The following KDM5A variants were observed in gnomAD, a reference collection of about 807,000 sequenced individuals.
KDM5A encodes the protein lysine-specific demethylase 5A.
A neutral mutation model predicts 193.5 loss-of-function variants in KDM5A; 42 were observed. The ratio of observed to expected loss-of-function variants is 0.22; its 90% CI spans 0.17 to 0.28. The LOEUF is 0.28. KDM5A is among the 10% of genes least tolerant of loss of function. The pLI is 1.00. For synonymous variants in KDM5A, 796 were observed against 718.1 expected (o/e 1.11, Z -1.73); for missense variants, 1,692 against 2,055.1 (o/e 0.82, Z 3.42).
intron 3 of KDM5A, among the ~76,000 whole-genome samples, chr12:369,169 G>A (rs1043928287): frequency 6.6e-6 from 1 of 151,994 alleles, no homozygotes; most frequent in African/African-American, 2.4e-5. Flanking sequence ...AGCCCTCTCT[G>A]TTCAAACAAT....
intron 10 of KDM5A, among the ~76,000 whole-genome samples, chr12:344,878 C>A (rs935190280): frequency 1.3e-5 from 2 of 152,162 alleles, no homozygotes; most frequent in East Asian, 1.9e-4. Context: ...AAATAACCAG[C>A]AAACATCATA....
intron 4 of KDM5A, among the ~76,000 whole-genome samples, chr12:363,767 GAAAT>G (rs1430688406): frequency 3.3e-5 from 5 of 151,766 alleles, no homozygotes; most frequent in African/African-American, 1.2e-4. Flanking sequence ...AAGGAAAAAA[GAAAT>G]AAAAAAATGG....
intron 10 of KDM5A, among the ~76,000 whole-genome samples, chr12:343,060 A>G (rs1157490585): frequency 6.6e-6 from 1 of 152,006 alleles, no homozygotes; most frequent in Non-Finnish European, 1.5e-5. Flanking sequence ...AAAACGAGGC[A>G]CTCCCGCCCA....
rs776622839 is a variant in KDM5A at position 321,073 on chromosome 12, C to G, written c.2463G>C (p.Leu821=). ...CAAAGGCCTTCAATTCTTCCACTGT[C>G]AGTTTGGTCCGAGTCCTCCCACTAT... The part of the protein sequence containing the change: ...SPDSGRTRTK[L]TVEELKAFVQ... The change falls in exon 18 of 28, where the codon CTG becomes CTC. Residue 821 remains leucine, a synonymous_variant. Transcript: ENST00000399788. 1.2e-6 allele frequency: 2 copies of G among 1,614,052 alleles called. No individual in the cohort carries two copies. The highest frequency in any genetic ancestry group is 1.7e-6 in the Non-Finnish European group (2 of 1,179,910).
Position 331,914 on chromosome 12 carries a change from C to T in KDM5A, c.1678G>A (p.Gly560Ser). 6.2e-7 allele frequency: 1 copy of T among 1,613,946 alleles called. No homozygotes were observed. The highest frequency in any genetic ancestry group is 8.5e-7 in the Non-Finnish European group (1 of 1,179,888). Residue 560 changes from glycine (G) to serine (S), a missense_variant, in exon 13 of 28, where the codon GGC becomes AGC. Physicochemically the swap from Gly to Ser is moderately conservative, Grantham distance 56. Transcript: ENST00000399788. Reference sequence around the variant, plus strand: ...CGAGGAAATGTCACAACAAACTCGCCAGCACACTGATTGGTCCTGTACACC... The same window carrying T: ...CGAGGAAATGTCACAACAAACTCGCTAGCACACTGATTGGTCCTGTACACC... ...VPVYRTNQCA[G>S]EFVVTFPRAY...
At chr12:305,785 A>T (rs1302945315) in intron 24 of KDM5A, among the ~76,000 whole-genome samples, 1 of 152,174 alleles carries the variant, frequency 6.6e-6, no homozygotes, top group Non-Finnish European at 1.5e-5. Context: ...CCTTCTCTTC[A>T]CCACCAGTAA....
chr12:383,947 G>T, intron 3 of KDM5A, 84 bp downstream of exon 3: 1 of 1,399,040 alleles, frequency 7.1e-7, no homozygotes. Flanking sequence ...TCCTCTATTG[G>T]AAGCAATGTT....
intron 7 of KDM5A, among the ~76,000 whole-genome samples, chr12:354,566 G>C (rs1321577910): frequency 1.3e-5 from 2 of 152,106 alleles, no homozygotes; most frequent in African/African-American, 4.8e-5. Context: ...AGGAGATTGA[G>C]ACCATCCTGG....
chr12:364,793 A>AC lies in KDM5A; in HGVS notation c.537+1140_537+1141insG, dbSNP rs1340590255. On this transcript the variant is annotated intron_variant, in intron 4 of 27. Transcript: ENST00000399788. ...GAGTCTCATCTCAAAAAAAAAAAAA[A>AC]AAACAAACAAACAAATTTACACATA... Among the ~76,000 whole-genome samples the AC allele has an allele frequency of 1.2e-3, 180 of 151,498 alleles. 1 individual carries two copies. The highest frequency in any genetic ancestry group is 2.8e-3 in the African/African-American group (116 of 41,338).
At chr12:355,942 A>C (rs1415641212) in intron 6 of KDM5A, among the ~76,000 whole-genome samples, 1 of 152,246 alleles carries the variant, frequency 6.6e-6, no homozygotes, top group Non-Finnish European at 1.5e-5. Context: ...ACTGACAAAA[A>C]ACTTCCAAAC....
intron 2 of KDM5A, among the ~76,000 whole-genome samples, chr12:384,478 T>C (rs1245466804): frequency 6.6e-6 from 1 of 152,224 alleles, no homozygotes; most frequent in Non-Finnish European, 1.5e-5. Flanking sequence ...CTGTCTTCCA[T>C]GAAACCAGTC....
In KDM5A at chr12:281,604, T is replaced by C; in HGVS notation, c.*3852A>G. 2 of 233,644 alleles carry C rather than the reference T, an allele frequency of 8.6e-6. No homozygotes were observed. The highest frequency in any genetic ancestry group is 6.0e-5 in the East Asian group (1 of 16,564). The allele number at this position is 233,644 out of a possible 1,614,324, so 14.5% of individuals were successfully genotyped here. Reference sequence around the variant, plus strand: ...CTATAAAAGCAACCTTCTACACACATATGGAGCTAATTCACATGTGAAGCT... The same window carrying C: ...CTATAAAAGCAACCTTCTACACACACATGGAGCTAATTCACATGTGAAGCT... On this transcript the variant is annotated 3_prime_UTR_variant, in exon 28 of 28. Transcript: ENST00000399788.
intron 10 of KDM5A, among the ~76,000 whole-genome samples, chr12:346,686 T>G (rs1944081345): frequency 6.6e-6 from 1 of 152,208 alleles, no homozygotes; most frequent in South Asian, 2.1e-4. Context: ...TCTCAATAGA[T>G]GCAGAAAAGG....
At chr12:322,163 TA>T in intron 17 of KDM5A, 3 of 488,694 alleles carry the variant, frequency 6.1e-6, no homozygotes, top group Non-Finnish European at 1.1e-5. Flanking sequence ...CCAAGCAGAG[TA>T]AAGAGAGCAT....
At chr12:364,416 G>C in intron 4 of KDM5A, among the ~76,000 whole-genome samples, 1 of 151,624 alleles carries the variant, frequency 6.6e-6, no homozygotes, top group African/African-American at 2.4e-5. Context: ...GGCGGAGGCT[G>C]CAGTGAGCCG....
At position 284,944 on chromosome 12, in the gene KDM5A, C is replaced by A. The variant is rs1023626011; in HGVS notation, c.*512G>T. On this transcript the variant is annotated 3_prime_UTR_variant, in exon 28 of 28. Coordinates refer to ENST00000399788, the MANE Select transcript of KDM5A (RefSeq NM_001042603.3). Reference sequence around the variant, plus strand: ...TGACGTCTAACAGAAATAACTTTGGCCCTGTTACTCCTAGTTGTATCTTTA... The same window carrying A: ...TGACGTCTAACAGAAATAACTTTGGACCTGTTACTCCTAGTTGTATCTTTA... 9 of 244,526 alleles carry A rather than the reference C, an allele frequency of 3.7e-5. No homozygotes were observed. The highest frequency in any genetic ancestry group is 1.8e-4 in the African/African-American group (8 of 45,464). 15.1% of individuals were successfully genotyped at this position (244,526 alleles called of 1,614,324 possible). A position where few individuals can be genotyped will look rare whatever the true frequency, so the allele number is the denominator to read the frequency against.
rs1943515340 is a variant in KDM5A at position 306,957 on chromosome 12, A to G, written c.4063T>C (p.Tyr1355His). ...SDEDIRETYG[Y>H]DMKDTASVKS... ...GTCCATGTAACTACCTTCATGTCGTAGCCATATGTCTCTCGAATGTCTTCA... is the reference window on the plus strand; with the variant it reads ...GTCCATGTAACTACCTTCATGTCGTGGCCATATGTCTCTCGAATGTCTTCA... The change falls in exon 24 of 28, where the codon TAC (tyrosine) becomes CAC (histidine). Residue 1355 changes from tyrosine to histidine, a missense_variant. Tyr to His is a moderately conservative substitution (Grantham distance 83). Around this residue, in one of 11 missense-constraint regions of KDM5A, gnomAD observed 965 missense variants for 1,061.0 expected, o/e 0.91. Coordinates refer to ENST00000399788, the MANE Select transcript of KDM5A (RefSeq NM_001042603.3). 1 of 1,613,468 alleles carries G rather than the reference A, an allele frequency of 6.2e-7. No homozygotes were observed. Among genetic ancestry groups the G allele is most frequent in the Non-Finnish European group, 8.5e-7 (1 of 1,179,894 alleles).
intron 27 of KDM5A, among the ~76,000 whole-genome samples, chr12:288,584 T>C (rs1253372048): frequency 6.6e-6 from 1 of 152,226 alleles, no homozygotes; most frequent in Non-Finnish European, 1.5e-5. Flanking sequence ...AGAATAGTAC[T>C]GCACTGGGAA....
At chr12:294,317 A>C (rs1235558452) in intron 26 of KDM5A, among the ~76,000 whole-genome samples, 1 of 152,226 alleles carries the variant, frequency 6.6e-6, no homozygotes, top group Non-Finnish European at 1.5e-5. Context: ...TAAGAGAAAG[A>C]AATACTGAAG....
Sources: allele counts gnomAD v4.1 joint callset (sites outside exome capture counted in the v4.1 genomes callset), GRCh38; gene constraint gnomAD v4.1.1; regional missense constraint gnomAD v4.1.1; transcripts MANE v1.5; gene names NCBI Gene and HGNC (gene_info 2026-07-23, HGNC 2026-07-21).